Variants in TMEM132B observed in about 807,000 individuals in gnomAD.
TMEM132B encodes transmembrane protein 132B.
A neutral mutation model predicts 90.8 loss-of-function variants in TMEM132B; 18 were observed. The ratio of observed to expected loss-of-function variants is 0.20; its 90% CI spans 0.14 to 0.29. The LOEUF is 0.29. TMEM132B is among the 10% of genes least tolerant of loss of function. The probability of loss-of-function intolerance (pLI) is 1.00; values close to 1 mark genes in which losing one functional copy is unlikely to be tolerated. For missense variants in TMEM132B, 1,096 were observed against 1,326.8 expected (o/e 0.83, Z 2.70); for synonymous variants, 504 against 523.3 (o/e 0.96, Z 0.50).
intron 1 of TMEM132B, among the ~76,000 whole-genome samples, chr12:125,187,442 C>A (rs1401476867): frequency 6.6e-6 from 1 of 152,194 alleles, no homozygotes; most frequent in African/African-American, 2.4e-5. Context: ...CTCCTCTTGG[C>A]CAAAGAGCAG....
At chr12:125,462,361 A>G (rs1881459178) in intron 3 of TMEM132B, among the ~76,000 whole-genome samples, 1 of 151,630 alleles carries the variant, frequency 6.6e-6, no homozygotes, top group African/African-American at 2.4e-5. Flanking sequence ...TATGTGTGCT[A>G]TGCCTGGTTG....
intron 1 of TMEM132B, among the ~76,000 whole-genome samples, chr12:125,259,792 G>C (rs1874519777): frequency 6.6e-6 from 1 of 152,140 alleles, no homozygotes; most frequent in South Asian, 2.1e-4. Context: ...AGGTTTTGTT[G>C]GATTTATGAG....
chr12:125,315,024 T>G (rs1409498781), intron 1 of TMEM132B, among the ~76,000 whole-genome samples: 1 of 152,150 alleles, frequency 6.6e-6, no homozygotes, highest in Non-Finnish European at 1.5e-5. Flanking sequence ...TTTTCTTTCC[T>G]ATGTGATCTA....
intron 1 of TMEM132B, among the ~76,000 whole-genome samples, chr12:125,257,596 C>T (rs891349029): frequency 1.3e-5 from 2 of 152,126 alleles, no homozygotes; most frequent in Non-Finnish European, 2.9e-5. Context: ...ACCAGGATGA[C>T]CCCCATTCCT....
intron 2 of TMEM132B, among the ~76,000 whole-genome samples, chr12:125,351,643 G>C (rs1279624970): frequency 6.6e-6 from 1 of 152,232 alleles, no homozygotes; most frequent in Non-Finnish European, 1.5e-5. Context: ...GGCAGCTGCA[G>C]AAAGCGGCTA....
chr12:125,393,365 T>C (rs1303530828), intron 2 of TMEM132B, among the ~76,000 whole-genome samples: 1 of 152,162 alleles, frequency 6.6e-6, no homozygotes, highest in Admixed American at 6.5e-5. Context: ...ATATGAAAAC[T>C]TACACAGGTG....
At chr12:125,330,431 AAAGTT>A (rs1876732690) in intron 1 of TMEM132B, among the ~76,000 whole-genome samples, 1 of 151,900 alleles carries the variant, frequency 6.6e-6, no homozygotes, top group African/African-American at 2.4e-5. Context: ...GCTCAAGAAA[AAAGTT>A]AAGTACTTCC....
intron 5 of TMEM132B, among the ~76,000 whole-genome samples, chr12:125,593,850 A>C (rs1212627667): frequency 6.6e-6 from 1 of 152,236 alleles, no homozygotes; most frequent in African/African-American, 2.4e-5. Flanking sequence ...CTAGGTACAA[A>C]GGCAATGTGT....
chr12:125,228,180 CCT>C (rs1477257769), intron 1 of TMEM132B, among the ~76,000 whole-genome samples: 9 of 152,254 alleles, frequency 5.9e-5, no homozygotes, highest in African/African-American at 1.9e-4. Flanking sequence ...TGGAAGACCC[CCT>C]GTTTCCGCCT....
At position 125,403,825 on chromosome 12, in the gene TMEM132B, A is replaced by C. The variant is rs568585102; in HGVS notation, c.960-11706A>C. Among the ~76,000 whole-genome samples the C allele has an allele frequency of 1.8e-4, 27 of 152,318 alleles. No homozygotes were observed. The South Asian group carries it at 3.7e-3, about 21-fold the overall frequency. Reference sequence around the variant, plus strand: ...TTAGGAGGGGGTTAACTTCACCCTTAGTGACCAGCTTAGTTGACCAGCTAA... The same window carrying C: ...TTAGGAGGGGGTTAACTTCACCCTTCGTGACCAGCTTAGTTGACCAGCTAA... On this transcript the variant is annotated intron_variant, in intron 2 of 8. Coordinates refer to ENST00000682704, the MANE Select transcript of TMEM132B (RefSeq NM_001366854.1).
At chr12:125,481,418 C>T (rs941568688) in intron 3 of TMEM132B, among the ~76,000 whole-genome samples, 13 of 152,184 alleles carry the variant, frequency 8.5e-5, no homozygotes, top group African/African-American at 3.1e-4. Flanking sequence ...TCTCAGGATA[C>T]AAAATCGATG....
At chr12:125,495,168 C>T (rs1255065918) in intron 3 of TMEM132B, among the ~76,000 whole-genome samples, 7 of 117,050 alleles carry the variant, frequency 6.0e-5, no homozygotes, top group African/African-American at 1.3e-4. Flanking sequence ...AAAATGGCCG[C>T]GTCCCTCTTC....
intron 6 of TMEM132B, among the ~76,000 whole-genome samples, chr12:125,646,181 C>T (rs938419583): frequency 2.0e-5 from 3 of 152,086 alleles, no homozygotes; most frequent in Non-Finnish European, 4.4e-5. Flanking sequence ...CAAGGTTGTT[C>T]CCTGCAGGTG....
intron 5 of TMEM132B, among the ~76,000 whole-genome samples, chr12:125,625,524 A>G (rs1457289891): frequency 6.6e-6 from 1 of 152,160 alleles, no homozygotes; most frequent in Non-Finnish European, 1.5e-5. Context: ...GCTGTGTAGG[A>G]TTCCATTGTA....
chr12:125,510,398 G>A (rs1423304156), intron 3 of TMEM132B, among the ~76,000 whole-genome samples: 1 of 152,172 alleles, frequency 6.6e-6, no homozygotes, highest in African/African-American at 2.4e-5. Context: ...TCCTTTTCCT[G>A]TGTTTGGGAA....
intron 1 of TMEM132B, among the ~76,000 whole-genome samples, chr12:125,255,811 A>G (rs1221180684): frequency 3.3e-5 from 5 of 152,210 alleles, no homozygotes; most frequent in Non-Finnish European, 7.3e-5. Context: ...TTCAACAAGT[A>G]GAGATGAAAG....
At chr12:125,234,221 T>C (rs577002046) in intron 1 of TMEM132B, among the ~76,000 whole-genome samples, 11 of 152,200 alleles carry the variant, frequency 7.2e-5, no homozygotes, top group Non-Finnish European at 1.3e-4. Context: ...CCTCCTCTTG[T>C]ATCTTTGCCT....
At chr12:125,549,974 T>C (rs1323655490) in intron 4 of TMEM132B, among the ~76,000 whole-genome samples, 1 of 152,232 alleles carries the variant, frequency 6.6e-6, no homozygotes, top group Non-Finnish European at 1.5e-5. Context: ...GTCTTGGAGC[T>C]GGACCCTGTA....
At chr12:125,369,265 C>T (rs1412832782) in intron 2 of TMEM132B, among the ~76,000 whole-genome samples, 1 of 152,200 alleles carries the variant, frequency 6.6e-6, no homozygotes, top group Non-Finnish European at 1.5e-5. Flanking sequence ...TTAATCTAGT[C>T]TATCACTGAT....
Sources: allele counts gnomAD v4.1 joint callset (sites outside exome capture counted in the v4.1 genomes callset), GRCh38; gene constraint gnomAD v4.1.1; transcripts MANE v1.5; gene names NCBI Gene and HGNC (gene_info 2026-07-23, HGNC 2026-07-21).